MYT1L: variants seen among roughly 807,000 people sequenced by gnomAD.
MYT1L encodes the protein myelin transcription factor 1 like.
Under a neutral mutation model 126.7 loss-of-function variants are expected in MYT1L, and 12 were observed. The ratio of observed to expected loss-of-function variants is 0.09; its 90% CI spans 0.06 to 0.15. The LOEUF (loss-of-function observed/expected upper bound fraction) is 0.15. Ranked by LOEUF, MYT1L falls within the 10% of genes least tolerant of loss-of-function variation. The probability of loss-of-function intolerance (pLI) is 1.00; values close to 1 mark genes in which losing one functional copy is unlikely to be tolerated. For missense variants in MYT1L, 979 were observed against 1,585.2 expected (o/e 0.62, Z 6.49); for synonymous variants, 541 against 604.2 (o/e 0.90, Z 1.53).
In MYT1L at chr2:2,217,685, C is replaced by CAAAAAAAAAAAAAAAAAAAAAA. The variant is rs1167910803; in HGVS notation, c.-420-44698_-420-44697insTTTTTTTTTTTTTTTTTTTTTT. ...AACTCCATCTCAACAACAACAACAA[C>CAAAAAAAAAAAAAAAAAAAAAA]AACAACAACAACAACAACAACAAAA... On this transcript the variant is annotated intron_variant, in intron 2 of 24. Transcript: ENST00000647738. Among the ~76,000 whole-genome samples the CAAAAAAAAAAAAAAAAAAAAAA allele has an allele frequency of 6.3e-5, 5 of 79,634 alleles. 1 individual carries two copies. Among genetic ancestry groups the CAAAAAAAAAAAAAAAAAAAAAA allele is most frequent in the Non-Finnish European group, 9.7e-5 (4 of 41,124 alleles). 52.2% of individuals were successfully genotyped at this position (79,634 alleles called of 152,430 possible).
chr2:2,311,731 T>C (rs557136342), intron 1 of MYT1L, among the ~76,000 whole-genome samples: 3 of 152,264 alleles, frequency 2.0e-5, no homozygotes, highest in East Asian at 3.9e-4. Flanking sequence ...TAAGGGAGCA[T>C]GCAAGGCCTC....
intron 3 of MYT1L, among the ~76,000 whole-genome samples, chr2:2,171,443 C>T (rs1003461692): frequency 6.6e-6 from 1 of 152,062 alleles, no homozygotes; most frequent in African/African-American, 2.4e-5. Flanking sequence ...AACATTACAC[C>T]CTTATAAAAT....
chr2:2,126,808 T>C (rs889294799), intron 3 of MYT1L, among the ~76,000 whole-genome samples: 2 of 152,234 alleles, frequency 1.3e-5, no homozygotes, highest in Non-Finnish European at 1.5e-5. Flanking sequence ...GAAGATTTCT[T>C]AGAGCATGGA....
intron 14 of MYT1L, among the ~76,000 whole-genome samples, chr2:1,899,582 C>T (rs754086464): frequency 3.9e-5 from 6 of 152,192 alleles, no homozygotes; most frequent in East Asian, 1.9e-4. Context: ...CAGCAGCCCC[C>T]GCAGCTTTCC....
chr2:2,316,871 C>T (rs773296192), intron 1 of MYT1L, among the ~76,000 whole-genome samples: 10 of 151,646 alleles, frequency 6.6e-5, no homozygotes, highest in Admixed American at 1.3e-4. Context: ...AGTGCAGTGG[C>T]GTGATCTCGG....
intron 18 of MYT1L, among the ~76,000 whole-genome samples, chr2:1,876,870 A>T (rs2046975824): frequency 6.6e-6 from 1 of 152,118 alleles, no homozygotes; most frequent in Admixed American, 6.5e-5. Context: ...GATGTCTTCT[A>T]AGCATGCTGG....
chr2:1,963,176 T>C lies in MYT1L; in HGVS notation c.152+15989A>G, dbSNP rs555664682. Among the ~76,000 whole-genome samples, 20 of 152,344 alleles carry C rather than the reference T, an allele frequency of 1.3e-4. No individual in the cohort carries two copies. In the South Asian group the frequency reaches 2.7e-3, roughly 21 times the overall value. ...GCCAACATTCACCTCCTTGTGCATCTCCACCAGTGCTCTTGGGTGCCCAGG... is the reference window on the plus strand; with the variant it reads ...GCCAACATTCACCTCCTTGTGCATCCCCACCAGTGCTCTTGGGTGCCCAGG... On this transcript the variant is annotated intron_variant, in intron 8 of 24. Coordinates refer to ENST00000647738, the MANE Select transcript of MYT1L (RefSeq NM_001303052.2).
chr2:1,892,005 C>T (rs1488415463), intron 15 of MYT1L, 32 bp downstream of exon 15: 8 of 1,481,682 alleles, frequency 5.4e-6, no homozygotes, highest in Non-Finnish European at 7.2e-6. Flanking sequence ...CCCCCACCCG[C>T]CAGGTGGCTC....
At chr2:1,875,085 CAT>C (rs5828879) in intron 18 of MYT1L, among the ~76,000 whole-genome samples, 6,932 of 152,234 alleles carry the variant, frequency 0.046, 223 homozygotes, top group Non-Finnish European at 0.059. Flanking sequence ...CAATGGGCAA[CAT>C]GTGCTGAGGG....
intron 3 of MYT1L, among the ~76,000 whole-genome samples, chr2:2,158,618 AACACACACAC>A (rs74164556): frequency 4.8e-5 from 7 of 144,380 alleles, no homozygotes; most frequent in South Asian, 2.2e-4. Context: ...CCATGGCATA[AACACACACAC>A]ACACACACAC....
intron 2 of MYT1L, among the ~76,000 whole-genome samples, chr2:2,191,669 A>C (rs1160475525): frequency 6.6e-6 from 1 of 152,220 alleles, no homozygotes; most frequent in Non-Finnish European, 1.5e-5. Context: ...TATTAAAGCC[A>C]GCTACGTGTC....
intron 2 of MYT1L, among the ~76,000 whole-genome samples, chr2:2,193,569 TC>T (rs2092685148): frequency 2.0e-5 from 3 of 152,196 alleles, no homozygotes; most frequent in African/African-American, 7.2e-5. Context: ...ATGTTATTGA[TC>T]CATTTTGGGT....
chr2:1,915,099 C>G (rs1479199139), intron 11 of MYT1L, among the ~76,000 whole-genome samples: 1 of 152,172 alleles, frequency 6.6e-6, no homozygotes, highest in African/African-American at 2.4e-5. Flanking sequence ...AGGGCCAGTA[C>G]AGTGTCTCGG....
chr2:1,975,801 T>A (rs1574144108), intron 8 of MYT1L, among the ~76,000 whole-genome samples: 1 of 152,092 alleles, frequency 6.6e-6, no homozygotes, highest in Non-Finnish European at 1.5e-5. Context: ...GAGACAGAGG[T>A]TTCAGTGAGC....
chr2:2,113,222 T>C (rs1427280354), intron 3 of MYT1L, among the ~76,000 whole-genome samples: 1 of 151,666 alleles, frequency 6.6e-6, no homozygotes, highest in Non-Finnish European at 1.5e-5. Flanking sequence ...AATTGGAGAG[T>C]GACTTGGGAT....
chr2:2,269,824 A>G lies in MYT1L; in HGVS notation c.-421+14580T>C, dbSNP rs149857987. ...GCAGAATCACAGTGGGTCCATTTGCATAAATTCAATCCTCTTTGATTCTCC... is the reference window on the plus strand; with the variant it reads ...GCAGAATCACAGTGGGTCCATTTGCGTAAATTCAATCCTCTTTGATTCTCC... On this transcript the variant is annotated intron_variant, in intron 2 of 24. Transcript: ENST00000647738. Among the ~76,000 whole-genome samples the G allele has an allele frequency of 1.5e-4, 23 of 152,338 alleles. No homozygotes were observed. The East Asian group carries it at 1.5e-3, about 10-fold the overall frequency.
chr2:2,110,304 C>A (rs569474098), intron 3 of MYT1L, among the ~76,000 whole-genome samples: 2 of 152,134 alleles, frequency 1.3e-5, no homozygotes, highest in African/African-American at 4.8e-5. Flanking sequence ...CTTCTTTTAA[C>A]CTTATTATTT....
intron 8 of MYT1L, among the ~76,000 whole-genome samples, chr2:1,978,472 T>TA (rs1405828392): frequency 6.6e-6 from 1 of 152,236 alleles, no homozygotes; most frequent in African/African-American, 2.4e-5. Context: ...GACTGATGTG[T>TA]ACCTGACAGT....
chr2:1,985,313 G>T (rs115344197), intron 5 of MYT1L, among the ~76,000 whole-genome samples: 1 of 152,228 alleles, frequency 6.6e-6, no homozygotes, highest in African/African-American at 2.4e-5. Flanking sequence ...AGGAAGGCTC[G>T]GGGAAGGAAT....
Sources: allele counts gnomAD v4.1 joint callset (sites outside exome capture counted in the v4.1 genomes callset), GRCh38; gene constraint gnomAD v4.1.1; transcripts MANE v1.5; gene names NCBI Gene and HGNC (gene_info 2026-07-23, HGNC 2026-07-21).